The following FKBP8 variants were observed in gnomAD, a reference collection of about 807,000 sequenced individuals.
The protein encoded by FKBP8 is peptidyl-prolyl cis-trans isomerase FKBP8.
A neutral mutation model predicts 41.7 loss-of-function variants in FKBP8; 5 were observed. That is an observed-to-expected ratio of 0.12 (90% CI 0.06 to 0.25). FKBP8 has a LOEUF of 0.25. Ranked by LOEUF, FKBP8 falls within the 10% of genes least tolerant of loss-of-function variation. FKBP8 has a pLI of 1.00. For missense variants in FKBP8, 397 were observed against 563.0 expected (o/e 0.71, Z 2.98); for synonymous variants, 279 against 254.5 (o/e 1.10, Z -0.92).
At position 18,541,722 on chromosome 19, in the gene FKBP8, C is replaced by G. The variant is rs1366617087; in HGVS notation, c.249G>C (p.Glu83Asp). 1.2e-6 allele frequency: 2 copies of G among 1,613,212 alleles called. No homozygotes were observed. The highest frequency in any genetic ancestry group is 4.5e-5 in the East Asian group (2 of 44,894). The change falls in exon 2 of 9, where the codon GAG becomes GAC. Residue 83 changes from glutamate (E) to aspartate (D), a missense_variant. Physicochemically the swap from Glu to Asp is conservative, Grantham distance 45. Around this residue, in one of 2 missense-constraint regions of FKBP8, gnomAD observed 172 missense variants for 196.2 expected, o/e 0.88. Coordinates refer to ENST00000608443, the MANE Select transcript of FKBP8 (RefSeq NM_012181.5). ...AREFLAAMEP[E>D]PAPAPAPEEW... is the part of the protein sequence containing the mutation. ...CTTCTGGGGCCGGGGCTGGGGCGGG[C>G]TCGGGCTCCATGGCAGCAAGGAACT... is the stretch of plus-strand genomic sequence containing the variant.
At chr19:18,543,140 C>A (rs1330384034) in intron 1 of FKBP8, 6 of 278,946 alleles carry the variant, frequency 2.2e-5, no homozygotes, top group Non-Finnish European at 3.5e-5. Flanking sequence ...CCCGGCCGGG[C>A]CCTCAGTCAA....
Position 18,537,783 on chromosome 19 carries a change from G to A in FKBP8, c.773-10C>T, listed in dbSNP as rs753345681. ...TCGAACGTCATGTCCACTATTGGGA[G>A]ACAGTGCCCGCCACGGCAGCCGTCA... On this transcript the variant is annotated splice_polypyrimidine_tract_variant and intron_variant, in intron 5 of 8. Transcript: ENST00000608443. The surrounding 1 kb of genome is among the most constrained non-coding windows in gnomAD (Gnocchi z 4.4). 1.5e-5 allele frequency: 24 copies of A among 1,598,572 alleles called. No individual in the cohort carries two copies. The South Asian group carries it at 2.6e-4, about 17-fold the overall frequency.
intron 6 of FKBP8, 63 bp from the exon 7 acceptor site, chr19:18,533,410 C>T (rs926877529): frequency 7.8e-6 from 11 of 1,411,264 alleles, no homozygotes; most frequent in Middle Eastern, 2.1e-4. Flanking sequence ...TCAAGAAATC[C>T]AGCCCAGGAG....
Position 18,537,612 on chromosome 19 carries a change from G to A in FKBP8, c.934C>T (p.Arg312Cys), listed in dbSNP as rs1375177195. 2.5e-6 allele frequency: 4 copies of A among 1,598,278 alleles called. No individual in the cohort carries two copies. Among genetic ancestry groups the A allele is most frequent in the Admixed American group, 1.7e-5 (1 of 58,940 alleles). Reference sequence around the variant, plus strand: ...CCGGTGTGGCCTACCTTGCCCTTGCGGAAGAGAGCCTTGATGTTGTCTGGC... The same window carrying A: ...CCGGTGTGGCCTACCTTGCCCTTGCAGAAGAGAGCCTTGATGTTGTCTGGC... ...HQPDNIKALF[R>C]KGKVLAQQGE... The change falls in exon 6 of 9, where the codon CGC becomes TGC. Residue 312 changes from arginine to cysteine, a missense_variant. Arg to Cys is a radical substitution (Grantham distance 180). Transcript: ENST00000608443. The surrounding 1 kb of genome is among the most constrained non-coding windows in gnomAD (Gnocchi z 4.4).
At chr19:18,532,861 A>T in intron 7 of FKBP8, 66 bp from the exon 8 acceptor site, 1 of 1,590,744 alleles carries the variant, frequency 6.3e-7, no homozygotes. Flanking sequence ...GCTCTGCCTT[A>T]CTGGGACCCT....
chr19:18,543,050 G>C (rs1359420392), intron 1 of FKBP8: 1 of 348,864 alleles, frequency 2.9e-6, no homozygotes, highest in Non-Finnish European at 5.1e-6. Flanking sequence ...GCTCCGTCTC[G>C]CCGTAAACAC....
intron 2 of FKBP8, among the ~76,000 whole-genome samples, chr19:18,540,805 G>C (rs1976679903): frequency 6.6e-6 from 1 of 151,870 alleles, no homozygotes. Flanking sequence ...CTGGGAGGCG[G>C]AGGTTGCAGT....
In FKBP8 at chr19:18,541,827, G is replaced by A. The variant is rs140276721; in HGVS notation, c.144C>T (p.Asp48=). 1.2e-5 allele frequency: 20 copies of A among 1,613,406 alleles called. No homozygotes were observed. The highest frequency in any genetic ancestry group is 1.5e-5 in the Non-Finnish European group (18 of 1,179,738). ...EEEEEEEEED[D]LSELPPLEDM... is the part of the protein sequence containing the mutation. ...CCTCCAGCGGTGGCAGCTCACTCAG[G>A]TCATCCTCTTCCTCCTCTTCCTCCT... The change falls in exon 2 of 9, where the codon GAC becomes GAT. Residue 48 remains aspartate (D), a synonymous_variant. Coordinates refer to ENST00000608443, the MANE Select transcript of FKBP8 (RefSeq NM_012181.5).
In FKBP8 at chr19:18,541,643, G is replaced by A. The variant is rs769684024; in HGVS notation, c.292+36C>T. ...TGAGGCTCAGGGGACGAGAGGGCCA[G>A]GGCCAAGGGCACCCTGATCCACCTT... On this transcript the variant is annotated intron_variant, in intron 2 of 8. Coordinates refer to ENST00000608443, the MANE Select transcript of FKBP8 (RefSeq NM_012181.5). The A allele has an allele frequency of 2.6e-6, 4 of 1,567,024 alleles. No individual in the cohort carries two copies. In the East Asian group the frequency reaches 6.8e-5, roughly 26 times the overall value.
At position 18,538,141 on chromosome 19, in the gene FKBP8, C is replaced by G. The variant is rs916226159; in HGVS notation, c.772+75G>C. On this transcript the variant is annotated intron_variant, in intron 5 of 8. Transcript: ENST00000608443. This position sits in a 1 kb window ranked among gnomAD's most constrained non-coding sequence, Gnocchi z 4.0. The stretch of plus-strand genomic sequence containing the variant: ...TAGAATATTCTGAGTCTGAGGCTCT[C>G]TGGGGCTGGAAGTTTCTGGCACGGA... 6.9e-7 allele frequency: 1 copy of G among 1,452,800 alleles called. No homozygotes were observed. The highest frequency in any genetic ancestry group is 9.4e-7 in the Non-Finnish European group (1 of 1,061,972). The allele number at this position is 1,452,800 out of a possible 1,614,324, so 90.0% of individuals were successfully genotyped here.
chr19:18,539,575 A>C lies in FKBP8; in HGVS notation c.438T>G (p.Thr146=), dbSNP rs1379308112. The part of the protein sequence containing the change: ...RVQEEPELVF[T]LGDCDVIQAL... ...CCTGGATGACGTCACAGTCACCCAG[A>C]GTGAACACCAGCTCCGGCTCCTCCT... Residue 146 remains threonine, a synonymous_variant, in exon 3 of 9, where the codon ACT becomes ACG. Transcript: ENST00000608443. 6 of 1,613,114 alleles carry C rather than the reference A, an allele frequency of 3.7e-6. No individual in the cohort carries two copies. Among genetic ancestry groups the C allele is most frequent in the African/African-American group, 2.7e-5 (2 of 74,940 alleles).
intron 2 of FKBP8, among the ~76,000 whole-genome samples, chr19:18,540,698 C>G (rs563352744): frequency 2.4e-4 from 36 of 152,124 alleles, no homozygotes; most frequent in African/African-American, 8.2e-4. Flanking sequence ...GTGGTGAAAC[C>G]CTGTCTCTAC....
intron 6 of FKBP8, among the ~76,000 whole-genome samples, chr19:18,535,717 C>T (rs1485415911): frequency 7.5e-6 from 1 of 133,184 alleles, no homozygotes; most frequent in African/African-American, 2.9e-5. Context: ...GAGCAAGACT[C>T]TGTCTCAAAA....
chr19:18,535,836 G>A (rs1210300856), intron 6 of FKBP8: 1 of 152,088 alleles, frequency 6.6e-6, no homozygotes, highest in Non-Finnish European at 1.5e-5. Flanking sequence ...GGGAAGGTCA[G>A]AGCAGAGAAA....
Position 18,538,407 on chromosome 19 carries a change from G to A in FKBP8, c.581C>T (p.Ala194Val). 6.2e-7 allele frequency: 1 copy of A among 1,612,962 alleles called. No individual in the cohort carries two copies. Among genetic ancestry groups the A allele is most frequent in the Non-Finnish European group, 8.5e-7 (1 of 1,179,952 alleles). Residue 194 changes from alanine to valine, a missense_variant, in exon 5 of 9, where the codon GCC (alanine) becomes GTC (valine). This residue lies in a region of FKBP8 where 225 missense variants were observed against 366.8 expected (regional missense o/e 0.61). Transcript: ENST00000608443. The surrounding 1 kb of genome is among the most constrained non-coding windows in gnomAD (Gnocchi z 4.0). ...SRSPYIPPHA[A>V]LCLEVTLKTA... ...CTTCAGGGTCACCTCCAGGCACAGG[G>A]CCGCGTGCGGGGGGATGTATGGGCT...
chr19:18,534,549 G>A (rs549536588), intron 6 of FKBP8, among the ~76,000 whole-genome samples: 1 of 152,104 alleles, frequency 6.6e-6, no homozygotes, highest in African/African-American at 2.4e-5. Context: ...ACTGGCGAGA[G>A]GCCGAATGGA....
intron 2 of FKBP8, among the ~76,000 whole-genome samples, chr19:18,540,925 G>C (rs1006674526): frequency 6.6e-6 from 1 of 151,676 alleles, no homozygotes; most frequent in Non-Finnish European, 1.5e-5. Flanking sequence ...GTGATATTTA[G>C]TAATATTTCT....
At chr19:18,534,792 T>C (rs1255284597) in intron 6 of FKBP8, among the ~76,000 whole-genome samples, 2 of 140,470 alleles carry the variant, frequency 1.4e-5, no homozygotes, top group Non-Finnish European at 2.9e-5. Flanking sequence ...ATTACTATTG[T>C]TATTATTATT....
At chr19:18,542,099 G>C in intron 1 of FKBP8, 104 bp from the exon 2 acceptor site, 1 of 1,450,926 alleles carries the variant, frequency 6.9e-7, no homozygotes, top group Middle Eastern at 1.8e-4. Flanking sequence ...TGTAACTCAA[G>C]GGCTCCAGGC....
Sources: allele counts gnomAD v4.1 joint callset (sites outside exome capture counted in the v4.1 genomes callset), GRCh38; gene constraint gnomAD v4.1.1; regional missense constraint gnomAD v4.1.1; non-coding constraint Gnocchi (gnomAD v3.1); transcripts MANE v1.5; gene names NCBI Gene and HGNC (gene_info 2026-07-23, HGNC 2026-07-21).